The following FOXM1 variants were observed in gnomAD, a reference collection of about 807,000 sequenced individuals.
The protein encoded by FOXM1 is forkhead box protein M1.
In FOXM1, 25 loss-of-function variants were observed where a neutral mutation model predicts 63.6. The observed-to-expected ratio is 0.39, with a 90% CI of 0.29 to 0.55. The LOEUF (loss-of-function observed/expected upper bound fraction) is 0.55. FOXM1 is among the 20% of genes least tolerant of loss of function. The probability of loss-of-function intolerance (pLI) is 0.60; values close to 1 mark genes in which losing one functional copy is unlikely to be tolerated. For synonymous variants in FOXM1, 387 were observed against 376.9 expected, an observed-to-expected ratio of 1.03 and a Z score of -0.31; for missense variants, 879 against 958.7, an observed-to-expected ratio of 0.92 and a Z score of 1.10.
rs2098103016 is a variant in FOXM1 at position 2,859,299 on chromosome 12, G to A, written c.1631C>T (p.Ser544Phe). The A allele has an allele frequency of 1.2e-6, 2 of 1,613,270 alleles. No homozygotes were observed. The highest frequency in any genetic ancestry group is 1.3e-5 in the African/African-American group (1 of 74,854). Residue 544 changes from serine (S) to phenylalanine (F), a missense_variant, in exon 9 of 9, where the codon TCT (serine) becomes TTT (phenylalanine). Physicochemically the swap from Ser to Phe is radical, Grantham distance 155. Coordinates refer to ENST00000359843, the MANE Select transcript of FOXM1 (RefSeq NM_021953.4). ...AGGCAGTAGATGCTGTTTTCTCCGAGACCGGCTCCTCTCCCTCCTCTCCCT... is the reference window on the plus strand; with the variant it reads ...AGGCAGTAGATGCTGTTTTCTCCGAAACCGGCTCCTCTCCCTCCTCTCCCT... Reference protein sequence around the residue: ...QHRERRERSRSRRKQHLLPPC... With the variant: ...QHRERRERSRFRRKQHLLPPC...
At position 2,864,238 on chromosome 12, in the gene FOXM1, C is replaced by T. The variant is rs1466526285; in HGVS notation, c.1266+82G>A. 6.3e-6 allele frequency: 8 copies of T among 1,268,922 alleles called. No homozygotes were observed. In the East Asian group the frequency reaches 1.6e-4, roughly 26 times the overall value. The allele number at this position is 1,268,922 out of a possible 1,614,324, so 78.6% of individuals were successfully genotyped here. On this transcript the variant is annotated intron_variant, in intron 8 of 8. Transcript: ENST00000359843. The surrounding 1 kb of genome is among the most constrained non-coding windows in gnomAD (Gnocchi z 5.1). ...TAGATTTATAAGCTCTCAAGGAACA[C>T]TTATCAGAGTGCTTTGCAAGCTGAA...
chr12:2,869,505 G>A (rs1185346719), intron 3 of FOXM1, among the ~76,000 whole-genome samples: 5 of 148,488 alleles, frequency 3.4e-5, no homozygotes, highest in Non-Finnish European at 5.9e-5. Context: ...GTACGATCTC[G>A]GCTCACTGCA....
chr12:2,863,537 T>G (rs1287324967), intron 8 of FOXM1, among the ~76,000 whole-genome samples: 3 of 151,592 alleles, frequency 2.0e-5, no homozygotes, highest in African/African-American at 7.3e-5. Context: ...CACAGGCATG[T>G]ACTACCACCG....
intron 8 of FOXM1, 46 bp from the exon 9 acceptor site, chr12:2,859,709 G>A (rs774241613): frequency 6.9e-7 from 1 of 1,439,276 alleles, no homozygotes; most frequent in South Asian, 1.3e-5. Context: ...CACCAGACAG[G>A]ACGCACAAAA....
Position 2,874,635 on chromosome 12 carries a change from C to G in FOXM1, c.-47-110G>C, listed in dbSNP as rs2098138984. 1 of 724,434 alleles carries G rather than the reference C, an allele frequency of 1.4e-6. No homozygotes were observed. The highest frequency in any genetic ancestry group is 2.3e-6 in the Non-Finnish European group (1 of 437,318). The allele number at this position is 724,434 out of a possible 1,614,324, so 44.9% of individuals were successfully genotyped here. A position where few individuals can be genotyped will look rare whatever the true frequency, so the allele number is the denominator to read the frequency against. ...TGACCAGGAACATGAGCCTAAAGGC[C>G]CAGGTAAACATTCCATGGACTTTTG... On this transcript the variant is annotated intron_variant, in intron 1 of 8. Transcript: ENST00000359843. This position sits in a 1 kb window ranked among gnomAD's most constrained non-coding sequence, Gnocchi z 4.3.
At position 2,859,255 on chromosome 12, in the gene FOXM1, C is replaced by T. The variant is rs200635586; in HGVS notation, c.1675G>A (p.Glu559Lys). The change falls in exon 9 of 9, where the codon GAG becomes AAG. Residue 559 changes from glutamate to lysine, a missense_variant. Coordinates refer to ENST00000359843, the MANE Select transcript of FOXM1 (RefSeq NM_021953.4). ...CTGGGCCCCTCTGAGAAGAGCAGCT[C>T]CGGCTCATCCACACAGGGAGGCAGT... ...HLLPPCVDEP[E>K]LLFSEGPSTS... 21 of 1,613,758 alleles carry T rather than the reference C, an allele frequency of 1.3e-5. No homozygotes were observed. Among genetic ancestry groups the T allele is most frequent in the Non-Finnish European group, 1.8e-5 (21 of 1,180,010 alleles).
Position 2,858,603 on chromosome 12 carries a change from G to A in FOXM1, c.*35C>T. ...ACTGAGCCTTGGAGTGCCCGGGATG[G>A]TGGACAGCTTGAGCACAGGGGCAAG... is the stretch of plus-strand genomic sequence containing the variant. On this transcript the variant is annotated 3_prime_UTR_variant, in exon 9 of 9. Coordinates refer to ENST00000359843, the MANE Select transcript of FOXM1 (RefSeq NM_021953.4). 6.3e-7 allele frequency: 1 copy of A among 1,586,470 alleles called. No individual in the cohort carries two copies. Among genetic ancestry groups the A allele is most frequent in the Non-Finnish European group, 8.6e-7 (1 of 1,162,970 alleles).
intron 3 of FOXM1, among the ~76,000 whole-genome samples, chr12:2,869,729 G>A (rs1025843610): frequency 6.7e-6 from 1 of 149,862 alleles, no homozygotes; most frequent in African/African-American, 2.5e-5. Flanking sequence ...GAGCCATTGC[G>A]CCTGGCGATT....
Position 2,872,064 on chromosome 12 carries a change from T to C in FOXM1, c.654+32A>G. ...ACCTAGGAATTCCCTACACTGGATCTGATTTCTTTAGTGAGGGACGGAACA... is the reference window on the plus strand; with the variant it reads ...ACCTAGGAATTCCCTACACTGGATCCGATTTCTTTAGTGAGGGACGGAACA... On this transcript the variant is annotated intron_variant, in intron 3 of 8. Coordinates refer to ENST00000359843, the MANE Select transcript of FOXM1 (RefSeq NM_021953.4). The surrounding 1 kb of genome is among the most constrained non-coding windows in gnomAD (Gnocchi z 4.0). 1 of 1,612,756 alleles carries C rather than the reference T, an allele frequency of 6.2e-7. No individual in the cohort carries two copies. The highest frequency in any genetic ancestry group is 1.1e-5 in the South Asian group (1 of 91,060).
In FOXM1 at chr12:2,866,395, T is replaced by G. The variant is rs920268372; in HGVS notation, c.973A>C (p.Lys325Gln). The G allele has an allele frequency of 5.4e-6, 8 of 1,477,734 alleles. No homozygotes were observed. Among genetic ancestry groups the G allele is most frequent in the Admixed American group, 2.6e-5 (1 of 39,098 alleles). The allele number at this position is 1,477,734 out of a possible 1,614,324, so 91.5% of individuals were successfully genotyped here. A position where few individuals can be genotyped will look rare whatever the true frequency, so the allele number is the denominator to read the frequency against. Residue 325 changes from lysine (K) to glutamine (Q), a missense_variant and splice_region_variant, in exon 5 of 9, where the codon AAG (lysine) becomes CAG (glutamine). By Grantham distance (53) the Lys-to-Gln change is moderately conservative. Transcript: ENST00000359843. ...TTAGAGGAAAGCAGGGCATTCACCT[T>G]AAACACCTGGTCCAATGTCAAGTAG... ...NRYLTLDQVF[K>Q]PLDPGSPQLP...
intron 2 of FOXM1, 99 bp downstream of exon 2, chr12:2,873,878 A>G: frequency 7.3e-7 from 1 of 1,376,662 alleles, no homozygotes; most frequent in South Asian, 1.4e-5. Flanking sequence ...GTGCTCGGCC[A>G]GAAGCCTGAC....
At chr12:2,861,215 A>G (rs1045907706) in intron 8 of FOXM1, 4 of 650,422 alleles carry the variant, frequency 6.1e-6, no homozygotes, top group Non-Finnish European at 1.1e-5. Flanking sequence ...AAACCTATAT[A>G]AAAATGGGCA....
In FOXM1 at chr12:2,864,369, A is replaced by C; in HGVS notation, c.1217T>G (p.Met406Arg). The C allele has an allele frequency of 6.2e-7, 1 of 1,613,988 alleles. No individual in the cohort carries two copies. Among genetic ancestry groups the C allele is most frequent in the East Asian group, 2.2e-5 (1 of 44,872 alleles). Residue 406 changes from methionine (M) to arginine (R), a missense_variant, in exon 8 of 9, where the codon ATG becomes AGG. Coordinates refer to ENST00000359843, the MANE Select transcript of FOXM1 (RefSeq NM_021953.4). The surrounding 1 kb of genome is among the most constrained non-coding windows in gnomAD (Gnocchi z 5.1). ...GCTATGGCGGGCAAGCTCTGAGCTC[A>C]TGAGGGAAGCCGCCAGGGGCAATGG... ...KVPLPLAASL[M>R]SSELARHSKR...
chr12:2,868,704 C>G lies in FOXM1; in HGVS notation c.705G>C (p.Glu235Asp), dbSNP rs143382475. 8 of 1,613,916 alleles carry G rather than the reference C, an allele frequency of 5.0e-6. No homozygotes were observed. The highest frequency in any genetic ancestry group is 6.8e-6 in the Non-Finnish European group (8 of 1,179,938). The change falls in exon 4 of 9, where the codon GAG (glutamate) becomes GAC (aspartate). Residue 235 changes from glutamate to aspartate, a missense_variant. Transcript: ENST00000359843. Reference protein sequence around the residue: ...PSASWQNSVSERPPYSYMAMI... With the variant: ...PSASWQNSVSDRPPYSYMAMI... ...TGGCCATGTAAGAGTAGGGTGGCCG[C>G]TCAGACACAGAGTTCTGCCAGGACG...
chr12:2,864,305 A>G lies in FOXM1; in HGVS notation c.1266+15T>C, dbSNP rs1307167481. 1 of 1,601,018 alleles carries G rather than the reference A, an allele frequency of 6.2e-7. No individual in the cohort carries two copies. Among genetic ancestry groups the G allele is most frequent in the East Asian group, 2.2e-5 (1 of 44,596 alleles). On this transcript the variant is annotated intron_variant, in intron 8 of 8. Coordinates refer to ENST00000359843, the MANE Select transcript of FOXM1 (RefSeq NM_021953.4). The surrounding 1 kb of genome is among the most constrained non-coding windows in gnomAD (Gnocchi z 5.1). ...TTGGCCAGAATCTCTCTTCAGAGGA[A>G]AATAGGACACCCACCTTGGGGGCAA...
At position 2,858,872 on chromosome 12, in the gene FOXM1, G is replaced by A. The variant is rs113780841; in HGVS notation, c.2058C>T (p.Ser686=). The part of the protein sequence containing the change: ...LLSSEPLDLI[S]VPFGNSSPSD... ...AGGGAGAAGAGTTGCCAAAGGGGAC[G>A]GAGATGAGGTCTAAGGGTTCTGAAC... The change falls in exon 9 of 9, where the codon TCC becomes TCT. Residue 686 remains serine (S), a synonymous_variant. Coordinates refer to ENST00000359843, the MANE Select transcript of FOXM1 (RefSeq NM_021953.4). The A allele has an allele frequency of 6.8e-5, 109 of 1,613,998 alleles. No individual in the cohort carries two copies. The highest frequency in any genetic ancestry group is 1.5e-4 in the Admixed American group (9 of 60,000).
intron 4 of FOXM1, among the ~76,000 whole-genome samples, chr12:2,867,310 A>C (rs561940386): frequency 1.1e-4 from 17 of 149,748 alleles, no homozygotes; most frequent in African/African-American, 3.7e-4. Flanking sequence ...CTGTCTCTAC[A>C]AAAAAAAAAT....
chr12:2,867,676 CAT>C (rs2098125800), intron 4 of FOXM1, among the ~76,000 whole-genome samples: 1 of 129,900 alleles, frequency 7.7e-6, no homozygotes, highest in Non-Finnish European at 1.7e-5. Flanking sequence ...AAAAAAAAAA[CAT>C]AGTTCTACCA....
At chr12:2,865,294 C>A in intron 6 of FOXM1, 61 bp downstream of exon 6, 1 of 1,435,340 alleles carries the variant, frequency 7.0e-7, no homozygotes, top group South Asian at 1.2e-5. Flanking sequence ...TCCACTAAAG[C>A]CATGCTGAGC....
Sources: gnomAD v4.1 joint callset for allele counts (sites outside exome capture counted in the v4.1 genomes callset) on GRCh38, gnomAD v4.1.1 for gene constraint, Gnocchi (gnomAD v3.1) non-coding constraint, MANE v1.5 for transcripts, NCBI Gene and HGNC (gene_info 2026-07-23, HGNC 2026-07-21) for gene names.